Variants in DPP10 observed in about 807,000 individuals in gnomAD.
The protein encoded by DPP10 is dipeptidyl peptidase like 10, also known as inactive dipeptidyl peptidase 10.
A neutral mutation model predicts 120.9 loss-of-function variants in DPP10; 33 were observed. The observed-to-expected ratio is 0.27, with a 90% confidence interval of 0.21 to 0.37. DPP10 has a LOEUF of 0.37. Ranked by LOEUF, DPP10 falls within the 10% of genes least tolerant of loss-of-function variation. DPP10 has a pLI of 1.00. For synonymous variants in DPP10, 337 were observed against 326.1 expected, an observed-to-expected ratio of 1.03 and a Z score of -0.36; for missense variants, 816 against 942.8, an observed-to-expected ratio of 0.87 and a Z score of 1.76.
chr2:115,509,364 G>A (rs2077107462), intron 4 of DPP10, among the ~76,000 whole-genome samples: 1 of 152,166 alleles, frequency 6.6e-6, no homozygotes, highest in African/African-American at 2.4e-5. Context: ...TGATGTATCA[G>A]GGATAATTCT....
intron 5 of DPP10, among the ~76,000 whole-genome samples, chr2:115,667,059 A>C (rs923438285): frequency 6.6e-6 from 1 of 151,902 alleles, no homozygotes; most frequent in East Asian, 1.9e-4. Context: ...AATCAATTAA[A>C]CCTCTTTACC....
intron 1 of DPP10, among the ~76,000 whole-genome samples, chr2:114,824,166 A>G (rs1489111035): frequency 1.3e-5 from 2 of 152,240 alleles, no homozygotes. Context: ...TACCAAGGAT[A>G]ATAGGATGAG....
chr2:115,463,147 T>C (rs1312136924), intron 3 of DPP10, among the ~76,000 whole-genome samples: 1 of 152,312 alleles, frequency 6.6e-6, no homozygotes, highest in East Asian at 1.9e-4. Flanking sequence ...CTCATATTCC[T>C]CTGAGGGATA....
intron 1 of DPP10, among the ~76,000 whole-genome samples, chr2:115,290,473 A>G (rs1173163400): frequency 6.6e-6 from 1 of 152,164 alleles, no homozygotes; most frequent in Non-Finnish European, 1.5e-5. Flanking sequence ...TAACACTAGG[A>G]ACATGGCTGT....
chr2:114,911,625 C>T (rs960232631), intron 1 of DPP10, among the ~76,000 whole-genome samples: 1 of 152,164 alleles, frequency 6.6e-6, no homozygotes, highest in East Asian at 1.9e-4. Flanking sequence ...TGAGAAGAAA[C>T]CAGCCAAGAC....
At chr2:114,614,461 A>T (rs752115488) in intron 1 of DPP10, among the ~76,000 whole-genome samples, 1 of 152,134 alleles carries the variant, frequency 6.6e-6, no homozygotes, top group African/African-American at 2.4e-5. Context: ...TTTTTATGTT[A>T]TATGTCAAGC....
intron 1 of DPP10, among the ~76,000 whole-genome samples, chr2:114,915,220 A>C (rs1694708136): frequency 6.6e-6 from 1 of 152,234 alleles, no homozygotes; most frequent in Admixed American, 6.5e-5. Flanking sequence ...TTCTTATTTC[A>C]GACAAAACAG....
At chr2:115,670,336 A>G (rs950437208) in intron 5 of DPP10, among the ~76,000 whole-genome samples, 20 of 152,094 alleles carry the variant, frequency 1.3e-4, no homozygotes. Flanking sequence ...GTATTCAAAG[A>G]TCATTGATAG....
At chr2:114,912,940 CT>C (rs1246022899) in intron 1 of DPP10, among the ~76,000 whole-genome samples, 1 of 152,216 alleles carries the variant, frequency 6.6e-6, no homozygotes, top group African/African-American at 2.4e-5. Flanking sequence ...TCCTCCAAGG[CT>C]TGCCATGCTC....
chr2:114,842,806 T>C (rs1046825467), intron 1 of DPP10, among the ~76,000 whole-genome samples: 1 of 152,018 alleles, frequency 6.6e-6, no homozygotes, highest in Non-Finnish European at 1.5e-5. Flanking sequence ...CAAACATTCT[T>C]CAGATGAGAT....
At chr2:114,697,132 G>C (rs1222301305) in intron 1 of DPP10, among the ~76,000 whole-genome samples, 1 of 151,934 alleles carries the variant, frequency 6.6e-6, no homozygotes, top group Non-Finnish European at 1.5e-5. Context: ...TTTTTCATAG[G>C]AATATTGTTG....
At chr2:114,470,962 A>G (rs989384711) in intron 1 of DPP10, among the ~76,000 whole-genome samples, 11 of 152,320 alleles carry the variant, frequency 7.2e-5, no homozygotes, top group African/African-American at 2.6e-4. Context: ...TTATTAGTGC[A>G]TTGTAGGGAC....
intron 1 of DPP10, among the ~76,000 whole-genome samples, chr2:114,826,621 C>G (rs777086276): frequency 5.9e-5 from 9 of 152,172 alleles, no homozygotes; most frequent in Non-Finnish European, 1.0e-4. Flanking sequence ...ACCTCCGCCT[C>G]CCAGGTTCAA....
chr2:115,796,226 G>A (rs1427565923), intron 19 of DPP10, among the ~76,000 whole-genome samples: 2 of 152,016 alleles, frequency 1.3e-5, no homozygotes, highest in Admixed American at 6.6e-5. Context: ...CCCTGAGTTT[G>A]CCTGCCCACC....
At chr2:115,442,127 T>A (rs539220117) in intron 3 of DPP10, among the ~76,000 whole-genome samples, 20 of 152,126 alleles carry the variant, frequency 1.3e-4, no homozygotes, top group Admixed American at 7.2e-4. Flanking sequence ...GTTTTTTTTT[T>A]AAATTTGTTG....
chr2:115,739,642 A>C, intron 8 of DPP10, 97 bp from the exon 9 acceptor site: 1 of 1,274,550 alleles, frequency 7.8e-7, no homozygotes, highest in Admixed American at 2.1e-5. Context: ...CAGTCTAGAA[A>C]ATATAGGTGT....
intron 1 of DPP10, among the ~76,000 whole-genome samples, chr2:114,992,283 TCTTA>T (rs1700795000): frequency 6.6e-6 from 1 of 152,224 alleles, no homozygotes; most frequent in Non-Finnish European, 1.5e-5. Flanking sequence ...GGCTGGTGTT[TCTTA>T]CTTACAGTTA....
chr2:115,019,307 A>G (rs1225742919), intron 1 of DPP10, among the ~76,000 whole-genome samples: 2 of 152,204 alleles, frequency 1.3e-5, no homozygotes, highest in Non-Finnish European at 2.9e-5. Context: ...TCTTCAGTGA[A>G]GTAGACAGCA....
intron 1 of DPP10, among the ~76,000 whole-genome samples, chr2:114,531,852 C>T (rs1284762429): frequency 6.6e-6 from 1 of 151,904 alleles, no homozygotes; most frequent in African/African-American, 2.4e-5. Flanking sequence ...CTAAGGGATG[C>T]TCATATATCT....
Sources: gnomAD v4.1 joint callset for allele counts (sites outside exome capture counted in the v4.1 genomes callset) on GRCh38, gnomAD v4.1.1 for gene constraint, MANE v1.5 for transcripts, NCBI Gene and HGNC (gene_info 2026-07-23, HGNC 2026-07-21) for gene names.